Variants in RSU1 observed in about 807,000 individuals in gnomAD.
The protein encoded by RSU1 is Ras suppressor protein 1.
RSU1 carries 26 observed loss-of-function variants against 31.1 expected under a neutral mutation model. That is an observed-to-expected ratio of 0.84 (90% CI 0.61 to 1.16). RSU1 has a LOEUF of 1.16. Ranked by LOEUF, RSU1 falls within the 50% of genes most tolerant of loss-of-function variation. RSU1 has a pLI of 0.00. For missense variants in RSU1, 320 were observed against 339.1 expected, an observed-to-expected ratio of 0.94 and a Z score of 0.44; for synonymous variants, 164 against 136.3, an observed-to-expected ratio of 1.20 and a Z score of -1.41.
rs151057708 is a variant in RSU1 at position 16,711,078 on chromosome 10, T to G, written c.599-15923A>C. On this transcript the variant is annotated intron_variant, in intron 7 of 8. Coordinates refer to ENST00000345264, the MANE Select transcript of RSU1 (RefSeq NM_012425.4). ...CTATCCAGGAAAGACTTTTTATAAC[T>G]AATTGTCTCACTAGTTATTAGTCTG... 6.6e-5 allele frequency among the ~76,000 whole-genome samples: 10 copies of G among 152,340 alleles called. No homozygotes were observed. The East Asian group carries it at 1.9e-3, about 29-fold the overall frequency.
chr10:16,686,267 G>A (rs578216604), intron 8 of RSU1, among the ~76,000 whole-genome samples: 56 of 152,190 alleles, frequency 3.7e-4, no homozygotes, highest in South Asian at 6.2e-4. Context: ...TTATAAAAGC[G>A]CCACTTTTAA....
In RSU1 at chr10:16,695,054, A is replaced by T; in HGVS notation, c.700T>A (p.Phe234Ile). Residue 234 changes from phenylalanine (F) to isoleucine (I), a missense_variant, in exon 8 of 9, where the codon TTT becomes ATT. By Grantham distance (21) the Phe-to-Ile change is conservative. Transcript: ENST00000345264. The part of the protein sequence containing the change: ...DQFQLGVSHV[F>I]EYIRSETYKY... ...TATGTCTCAGAACGGATATACTCAA[A>T]AACATGGGACACGCCAAGCTGGAAC... 6.2e-7 allele frequency: 1 copy of T among 1,613,368 alleles called. No individual in the cohort carries two copies.
chr10:16,797,393 T>C (rs187121303), intron 2 of RSU1, among the ~76,000 whole-genome samples: 2 of 152,262 alleles, frequency 1.3e-5, no homozygotes, highest in East Asian at 3.9e-4. Context: ...CTACATAAAA[T>C]CAACCAGAGG....
At chr10:16,663,557 T>A (rs933019171) in intron 8 of RSU1, among the ~76,000 whole-genome samples, 1 of 152,142 alleles carries the variant, frequency 6.6e-6, no homozygotes, top group Admixed American at 6.5e-5. Flanking sequence ...ATCTCTGCCA[T>A]TATACAGTGC....
chr10:16,654,105 C>A (rs901364450), intron 8 of RSU1, among the ~76,000 whole-genome samples: 2 of 151,770 alleles, frequency 1.3e-5, no homozygotes. Flanking sequence ...CGGGCTCAAG[C>A]GATTCTCTTG....
intron 7 of RSU1, among the ~76,000 whole-genome samples, chr10:16,723,769 G>A (rs1403310824): frequency 2.0e-5 from 3 of 152,044 alleles, no homozygotes; most frequent in Non-Finnish European, 2.9e-5. Flanking sequence ...AGGGCAGGAC[G>A]CTGGGACAAA....
chr10:16,725,904 T>G (rs1588496090), intron 7 of RSU1, among the ~76,000 whole-genome samples: 1 of 149,904 alleles, frequency 6.7e-6, no homozygotes, highest in East Asian at 2.0e-4. Context: ...TTCTTGGCAA[T>G]TAAATCTAGC....
At chr10:16,710,051 C>T (rs1428368274) in intron 7 of RSU1, among the ~76,000 whole-genome samples, 1 of 152,140 alleles carries the variant, frequency 6.6e-6, no homozygotes, top group Non-Finnish European at 1.5e-5. Flanking sequence ...ACTTCCAGTA[C>T]TATGTTGAAC....
At chr10:16,634,093 G>A (rs1002670031) in intron 8 of RSU1, among the ~76,000 whole-genome samples, 2 of 152,224 alleles carry the variant, frequency 1.3e-5, no homozygotes, top group Admixed American at 6.5e-5. Context: ...CTTTGGCGAA[G>A]TACACCTTCA....
At chr10:16,643,289 G>T (rs1006991175) in intron 8 of RSU1, among the ~76,000 whole-genome samples, 1 of 152,144 alleles carries the variant, frequency 6.6e-6, no homozygotes, top group East Asian at 1.9e-4. Flanking sequence ...CCTTAAAAAT[G>T]ATAGCTACCC....
intron 7 of RSU1, among the ~76,000 whole-genome samples, chr10:16,725,718 G>A (rs1178557836): frequency 6.6e-6 from 1 of 150,978 alleles, no homozygotes; most frequent in Admixed American, 6.6e-5. Context: ...GAATCTGTCC[G>A]CTCCTTGATC....
chr10:16,623,478 T>C (rs1399654321), intron 8 of RSU1, among the ~76,000 whole-genome samples: 1 of 152,222 alleles, frequency 6.6e-6, no homozygotes, highest in Non-Finnish European at 1.5e-5. Context: ...TTGTGAATAG[T>C]GCTGCAACAA....
chr10:16,657,436 C>A (rs543247714), intron 8 of RSU1, among the ~76,000 whole-genome samples: 1 of 149,504 alleles, frequency 6.7e-6, no homozygotes, highest in Non-Finnish European at 1.5e-5. Context: ...ATTTAAAGAA[C>A]AAGGCAATAT....
At position 16,661,355 on chromosome 10, in the gene RSU1, G is replaced by C. The variant is rs555185875; in HGVS notation, c.731+33668C>G. On this transcript the variant is annotated intron_variant, in intron 8 of 8. Transcript: ENST00000345264. ...AAGTATTTATGATGACTTCATATCA[G>C]TTGAATCTGTAGGAATCCTTAGGAC... Among the ~76,000 whole-genome samples the C allele has an allele frequency of 4.7e-5, 7 of 149,626 alleles. No homozygotes were observed. The South Asian group carries it at 1.1e-3, about 23-fold the overall frequency.
chr10:16,663,642 A>G (rs1303269060), intron 8 of RSU1, among the ~76,000 whole-genome samples: 1 of 152,174 alleles, frequency 6.6e-6, no homozygotes, highest in Non-Finnish European at 1.5e-5. Flanking sequence ...CGCGCAGTAC[A>G]ACTACATGTG....
intron 7 of RSU1, among the ~76,000 whole-genome samples, chr10:16,724,186 G>A (rs367664634): frequency 2.1e-4 from 32 of 152,108 alleles, no homozygotes; most frequent in African/African-American, 7.5e-4. Flanking sequence ...CAGGTAATTT[G>A]CCTGCCTTCG....
chr10:16,644,979 GATA>G (rs1197432522), intron 8 of RSU1, among the ~76,000 whole-genome samples: 1 of 152,122 alleles, frequency 6.6e-6, no homozygotes, highest in East Asian at 1.9e-4. Flanking sequence ...GAAATTGTAT[GATA>G]ATATTTAATA....
At chr10:16,646,183 C>T (rs181375351) in intron 8 of RSU1, among the ~76,000 whole-genome samples, 19 of 151,746 alleles carry the variant, frequency 1.3e-4, no homozygotes, top group Non-Finnish European at 1.3e-4. Flanking sequence ...GCACAGCTCT[C>T]ATTCTGGTGT....
intron 8 of RSU1, among the ~76,000 whole-genome samples, chr10:16,669,175 C>T (rs1450326231): frequency 6.6e-6 from 1 of 151,946 alleles, no homozygotes; most frequent in Admixed American, 6.6e-5. Flanking sequence ...CAGAGCTGTG[C>T]ACAGTGTGAC....
Sources: gnomAD v4.1 joint callset for allele counts (sites outside exome capture counted in the v4.1 genomes callset) on GRCh38, gnomAD v4.1.1 for gene constraint, MANE v1.5 for transcripts, NCBI Gene and HGNC (gene_info 2026-07-23, HGNC 2026-07-21) for gene names.